Variants in YAF2 observed in about 807,000 individuals in gnomAD.
YAF2 encodes the protein YY1 associated factor 2.
Under a neutral mutation model 20.1 loss-of-function variants are expected in YAF2, and 7 were observed. The observed-to-expected ratio is 0.35, with a 90% CI of 0.20 to 0.65. The LOEUF (loss-of-function observed/expected upper bound fraction) is 0.65. Among genes scored for constraint, YAF2 ranks in the 30% least tolerant of loss-of-function variants. The pLI is 0.69. For missense variants in YAF2, 151 were observed against 219.2 expected, an observed-to-expected ratio of 0.69 and a Z score of 1.96; for synonymous variants, 74 against 76.0, an observed-to-expected ratio of 0.97 and a Z score of 0.14.
intron 2 of YAF2, among the ~76,000 whole-genome samples, chr12:42,208,298 T>A (rs1382700417): frequency 2.6e-5 from 4 of 151,874 alleles, no homozygotes; most frequent in African/African-American, 9.7e-5. Flanking sequence ...TGGTGGCAGA[T>A]GCTTGTAATC....
intron 2 of YAF2, among the ~76,000 whole-genome samples, chr12:42,190,345 C>CA (rs1225700014): frequency 6.6e-6 from 1 of 151,924 alleles, no homozygotes; most frequent in Admixed American, 6.6e-5. Flanking sequence ...GCAACCGTCT[C>CA]AAAAAAATAA....
chr12:42,236,043 T>C, intron 2 of YAF2: 3 of 1,531,726 alleles, frequency 2.0e-6, no homozygotes, highest in African/African-American at 1.4e-5. Flanking sequence ...ATTTTTCTAA[T>C]GGCTACAAGA....
chr12:42,196,310 G>A (rs2066751635), intron 2 of YAF2, among the ~76,000 whole-genome samples: 1 of 149,684 alleles, frequency 6.7e-6, no homozygotes, highest in Non-Finnish European at 1.5e-5. Context: ...AGGCCAGAAA[G>A]AACAGAGCAC....
intron 2 of YAF2, chr12:42,233,011 G>C (rs1371414151): frequency 2.0e-6 from 2 of 985,156 alleles, no homozygotes; most frequent in Non-Finnish European, 2.4e-6. Context: ...AAATTTTAAA[G>C]AAACAAAAAA....
At chr12:42,171,772 G>A (rs2066055790) in intron 2 of YAF2, among the ~76,000 whole-genome samples, 1 of 149,118 alleles carries the variant, frequency 6.7e-6, no homozygotes, top group East Asian at 2.0e-4. Context: ...TGGGCAACAT[G>A]GTGAAACCCC....
chr12:42,237,015 G>A (rs572394398), intron 2 of YAF2, among the ~76,000 whole-genome samples: 1 of 152,270 alleles, frequency 6.6e-6, no homozygotes, highest in South Asian at 2.1e-4. Flanking sequence ...AAGATATAAA[G>A]GTACTTTCAG....
At chr12:42,212,073 C>T (rs2067228876) in intron 2 of YAF2, among the ~76,000 whole-genome samples, 1 of 151,264 alleles carries the variant, frequency 6.6e-6, no homozygotes, top group Non-Finnish European at 1.5e-5. Context: ...CACCTATTGA[C>T]ACACCAAACA....
At chr12:42,232,887 T>C (rs2068024561) in intron 2 of YAF2, 3 of 985,334 alleles carry the variant, frequency 3.0e-6, no homozygotes, top group Non-Finnish European at 2.4e-6. Context: ...AACATATATT[T>C]TTAATGAAGA....
chr12:42,197,200 T>C (rs2066775915), intron 2 of YAF2, among the ~76,000 whole-genome samples: 1 of 152,238 alleles, frequency 6.6e-6, no homozygotes, highest in African/African-American at 2.4e-5. Flanking sequence ...AGCAAGTTGT[T>C]AGCTTGTTAG....
At chr12:42,163,931 A>G (rs1430257626) in intron 2 of YAF2, among the ~76,000 whole-genome samples, 2 of 152,346 alleles carry the variant, frequency 1.3e-5, no homozygotes, top group African/African-American at 4.8e-5. Flanking sequence ...GAGAAAAATC[A>G]GGATAGGAGG....
intron 2 of YAF2, among the ~76,000 whole-genome samples, chr12:42,228,328 A>G (rs867395022): frequency 2.1e-4 from 10 of 46,580 alleles, no homozygotes; most frequent in Admixed American, 4.2e-4. Flanking sequence ...CCGGCCAGCC[A>G]CCCCATCCGG....
intron 2 of YAF2, among the ~76,000 whole-genome samples, chr12:42,182,813 A>C (rs1023191261): frequency 6.6e-6 from 1 of 152,244 alleles, no homozygotes; most frequent in Non-Finnish European, 1.5e-5. Context: ...GATCATATAT[A>C]ATTTCTAGAC....
At chr12:42,208,265 T>C (rs939683519) in intron 2 of YAF2, among the ~76,000 whole-genome samples, 6 of 151,662 alleles carry the variant, frequency 4.0e-5, no homozygotes, top group Admixed American at 3.3e-4. Context: ...CTCTACTAAA[T>C]ATACAAAAAA....
intron 2 of YAF2, among the ~76,000 whole-genome samples, chr12:42,164,787 C>A (rs1295591700): frequency 6.6e-6 from 1 of 152,088 alleles, no homozygotes; most frequent in Non-Finnish European, 1.5e-5. Flanking sequence ...CACCTGTTTA[C>A]AACCAAGCGT....
intron 2 of YAF2, among the ~76,000 whole-genome samples, chr12:42,190,889 A>C (rs993754517): frequency 3.0e-4 from 46 of 152,044 alleles, no homozygotes; most frequent in African/African-American, 1.1e-3. Flanking sequence ...TGTGGTTAAT[A>C]ATATTTCTAC....
At chr12:42,227,060 A>AGCCGCC (rs1185489464) in intron 2 of YAF2, among the ~76,000 whole-genome samples, 1 of 145,606 alleles carries the variant, frequency 6.9e-6, no homozygotes, top group Non-Finnish European at 1.5e-5. Context: ...GACCGACCGC[A>AGCCGCC]GCCGCCGCCG....
At chr12:42,212,619 A>T (rs1198109247) in intron 2 of YAF2, 4 of 231,900 alleles carry the variant, frequency 1.7e-5, no homozygotes, top group African/African-American at 4.7e-5. Flanking sequence ...CATTCTACAC[A>T]ATCAAATTCA....
chr12:42,206,414 G>C (rs1211781413), intron 2 of YAF2, among the ~76,000 whole-genome samples: 2 of 151,642 alleles, frequency 1.3e-5, no homozygotes, highest in East Asian at 3.9e-4. Flanking sequence ...TTCGAGACCA[G>C]CTTGGCCAAC....
intron 2 of YAF2, among the ~76,000 whole-genome samples, chr12:42,218,795 C>T (rs935939469): frequency 2.6e-5 from 4 of 151,402 alleles, no homozygotes; most frequent in African/African-American, 9.7e-5. Flanking sequence ...TTTAATCAGT[C>T]GATTATGTAG....
Sources: gnomAD v4.1 joint callset for allele counts (sites outside exome capture counted in the v4.1 genomes callset) on GRCh38, gnomAD v4.1.1 for gene constraint, MANE v1.5 for transcripts, NCBI Gene and HGNC (gene_info 2026-07-23, HGNC 2026-07-21) for gene names.